The following STARD10 variants were observed in gnomAD, a reference collection of about 807,000 sequenced individuals.
The protein encoded by STARD10 is START domain-containing protein 10.
STARD10 carries 24 observed loss-of-function variants against 36.0 expected under a neutral mutation model. That is an observed-to-expected ratio of 0.67 (90% CI 0.48 to 0.94). STARD10 has a LOEUF of 0.94. Ranked by LOEUF, STARD10 falls within the 40% of genes least tolerant of loss-of-function variation. The probability of loss-of-function intolerance (pLI) is 0.00; values close to 1 mark genes in which losing one functional copy is unlikely to be tolerated. For missense variants in STARD10, 335 were observed against 396.6 expected, an observed-to-expected ratio of 0.84 and a Z score of 1.32; for synonymous variants, 156 against 161.9, an observed-to-expected ratio of 0.96 and a Z score of 0.28.
intron 2 of STARD10, among the ~76,000 whole-genome samples, chr11:72,773,026 G>T (rs1349471030): frequency 6.6e-6 from 1 of 152,214 alleles, no homozygotes; most frequent in Non-Finnish European, 1.5e-5. Context: ...CAGGACCCAG[G>T]TCTGATATCT....
Position 72,758,439 on chromosome 11 carries a change from CGAAGTCATATT to C in STARD10, c.459+80_459+90del. 4 of 1,019,412 alleles carry C rather than the reference CGAAGTCATATT, an allele frequency of 3.9e-6. No individual in the cohort carries two copies. The South Asian group carries it at 5.4e-5, about 14-fold the overall frequency. 63.1% of individuals were successfully genotyped at this position (1,019,412 alleles called of 1,614,324 possible). On this transcript the variant is annotated intron_variant, in intron 4 of 6. Transcript: ENST00000334805. Reference sequence around the variant, plus strand: ...GAGGGCCAGTGGGCCCATGCCTGCCCGAAGTCATATTGAAGTCATGGTGGCAGCCTCAGCCT... The same window carrying C: ...GAGGGCCAGTGGGCCCATGCCTGCCCGAAGTCATGGTGGCAGCCTCAGCCT...
At chr11:72,780,430 A>G (rs2135624287) in intron 2 of STARD10, 1 of 452,412 alleles carries the variant, frequency 2.2e-6, no homozygotes, top group Non-Finnish European at 4.5e-6. Context: ...GCCAGCCACA[A>G]TCCTGAGTCC....
intron 2 of STARD10, among the ~76,000 whole-genome samples, chr11:72,775,554 A>C (rs1327416827): frequency 6.6e-6 from 1 of 152,066 alleles, no homozygotes; most frequent in Non-Finnish European, 1.5e-5. Flanking sequence ...TCAAACTTGT[A>C]ATCTTCATTC....
intron 2 of STARD10, among the ~76,000 whole-genome samples, chr11:72,763,471 T>C (rs1858747003): frequency 6.6e-6 from 1 of 152,204 alleles, no homozygotes; most frequent in Non-Finnish European, 1.5e-5. Context: ...AGGTGTTGCC[T>C]GGTAGGACAC....
At position 72,788,650 on chromosome 11, in the gene STARD10, C is replaced by T. The variant is rs573046205; in HGVS notation, c.-114+4225G>A. The stretch of plus-strand genomic sequence containing the variant: ...GTAGCACGATCTCAGCTCACCACCA[C>T]CTCCCAGATTCAAGTGATTCTCCTG... On this transcript the variant is annotated intron_variant, in intron 1 of 6. Coordinates refer to ENST00000334805, the MANE Select transcript of STARD10 (RefSeq NM_006645.3). 3.3e-5 allele frequency among the ~76,000 whole-genome samples: 5 copies of T among 152,162 alleles called. No homozygotes were observed. The South Asian group carries it at 1.0e-3, about 32-fold the overall frequency.
At chr11:72,766,937 AG>A (rs1423229351) in intron 2 of STARD10, among the ~76,000 whole-genome samples, 1 of 152,200 alleles carries the variant, frequency 6.6e-6, no homozygotes, top group Middle Eastern at 3.2e-3. Context: ...CCAAAGTCCT[AG>A]GGACCCAGGA....
chr11:72,755,213 G>A (rs1343582823), intron 6 of STARD10, 71 bp from the exon 7 acceptor site: 11 of 1,502,444 alleles, frequency 7.3e-6, no homozygotes, highest in East Asian at 2.4e-5. Context: ...CCCCTCCAGC[G>A]GCTCAGCCCC....
intron 2 of STARD10, among the ~76,000 whole-genome samples, chr11:72,776,662 T>G (rs1470108059): frequency 6.6e-6 from 1 of 152,116 alleles, no homozygotes; most frequent in African/African-American, 2.4e-5. Context: ...AGCCTCAGTT[T>G]CCACATCTGC....
In STARD10 at chr11:72,781,342, TGGGGCTGTTC is replaced by T. The variant is rs1325570336; in HGVS notation, c.-113-58_-113-49del. The stretch of plus-strand genomic sequence containing the variant: ...GGAATCAGTGCGCTGGGGGCGCGGG[TGGGGCTGTTC>T]GGGGTCCTGGCGGGTGGGGAGCTGG... On this transcript the variant is annotated intron_variant, in intron 1 of 6. Transcript: ENST00000334805. The surrounding 1 kb of genome is among the most constrained non-coding windows in gnomAD (Gnocchi z 4.7). 1.6e-6 allele frequency: 1 copy of T among 633,232 alleles called. No individual in the cohort carries two copies. Among genetic ancestry groups the T allele is most frequent in the Non-Finnish European group, 2.7e-6 (1 of 365,234 alleles). The allele number at this position is 633,232 out of a possible 1,614,324, so 39.2% of individuals were successfully genotyped here.
intron 2 of STARD10, chr11:72,780,548 G>C: frequency 8.4e-6 from 3 of 355,040 alleles, no homozygotes; most frequent in Non-Finnish European, 1.7e-5. Context: ...TGCAGAAAGC[G>C]GGGAAGGAGA....
chr11:72,755,044 C>T lies in STARD10; in HGVS notation c.729G>A (p.Pro243=), dbSNP rs754634824. The T allele has an allele frequency of 8.1e-6, 13 of 1,613,128 alleles. No homozygotes were observed. The highest frequency in any genetic ancestry group is 1.7e-4 in the Middle Eastern group (1 of 6,058). The change falls in exon 7 of 7, where the codon CCG becomes CCA. Residue 243 remains proline (P), a synonymous_variant. Transcript: ENST00000334805. ...GCTCCGACAGCGCCAGGCTCGGCAA[C>T]GGGCTCTGCTCCGGGTGCAGCCACG... ...FKPWLHPEQS[P]LPSLALSELS...
intron 5 of STARD10, among the ~76,000 whole-genome samples, chr11:72,756,320 G>A (rs545500470): frequency 4.6e-5 from 7 of 152,152 alleles, no homozygotes; most frequent in Non-Finnish European, 8.8e-5. Flanking sequence ...ACCACTGTGC[G>A]CTCTGGGGCT....
intron 2 of STARD10, among the ~76,000 whole-genome samples, chr11:72,761,390 T>C: frequency 6.6e-6 from 1 of 152,026 alleles, no homozygotes; most frequent in East Asian, 1.9e-4. Context: ...TGGAGAAAAG[T>C]GAACATGATC....
In STARD10 at chr11:72,754,938, C is replaced by A. The variant is rs746271758; in HGVS notation, c.835G>T (p.Ala279Ser). The A allele has an allele frequency of 5.6e-6, 9 of 1,603,122 alleles. No homozygotes were observed. The highest frequency in any genetic ancestry group is 6.8e-6 in the Non-Finnish European group (8 of 1,178,242). ...TCGTCGTCGCTGCCCTCGCCGCCCG[C>A]GCCGCCCATCCGCTCCTCTCTGCTC... The part of the protein sequence containing the change: ...AESREERMGG[A>S]GGEGSDDDTS... The change falls in exon 7 of 7, where the codon GCG (alanine) becomes TCG (serine). Residue 279 changes from alanine to serine, a missense_variant. Transcript: ENST00000334805.
chr11:72,769,233 C>G lies in STARD10; in HGVS notation c.208-9852G>C, dbSNP rs183076942. Among the ~76,000 whole-genome samples, 7 of 152,188 alleles carry G rather than the reference C, an allele frequency of 4.6e-5. No homozygotes were observed. The East Asian group carries it at 1.2e-3, about 25-fold the overall frequency. ...AATTGTACTGAGGTACCGATTTATG[C>G]TCAGTAAATTACCAAAAATATATAA... On this transcript the variant is annotated intron_variant, in intron 2 of 6. Coordinates refer to ENST00000334805, the MANE Select transcript of STARD10 (RefSeq NM_006645.3).
chr11:72,782,139 C>T (rs1166399464), intron 1 of STARD10: 1 of 152,420 alleles, frequency 6.6e-6, no homozygotes, highest in Non-Finnish European at 1.5e-5. Flanking sequence ...CAGGTACACA[C>T]CTCTGCAACA....
Position 72,788,643 on chromosome 11 carries a change from A to G in STARD10, c.-114+4232T>C, listed in dbSNP as rs554843106. 2.1e-4 allele frequency among the ~76,000 whole-genome samples: 32 copies of G among 150,158 alleles called. No individual in the cohort carries two copies. In the East Asian group the frequency reaches 5.3e-3, roughly 25 times the overall value. On this transcript the variant is annotated intron_variant, in intron 1 of 6. Transcript: ENST00000334805. ...GAGTGCAGTAGCACGATCTCAGCTC[A>G]CCACCACCTCCCAGATTCAAGTGAT...
chr11:72,778,379 G>A (rs1168992954), intron 2 of STARD10, among the ~76,000 whole-genome samples: 1 of 152,244 alleles, frequency 6.6e-6, no homozygotes, highest in African/African-American at 2.4e-5. Flanking sequence ...GGGGAGAAAT[G>A]CTTGGCTCAG....
intron 2 of STARD10, among the ~76,000 whole-genome samples, chr11:72,763,884 T>C (rs1858752554): frequency 6.6e-6 from 1 of 152,166 alleles, no homozygotes; most frequent in South Asian, 2.1e-4. Flanking sequence ...GCTGTTATTA[T>C]TCCTGCACTG....
Sources: allele counts gnomAD v4.1 joint callset (sites outside exome capture counted in the v4.1 genomes callset), GRCh38; gene constraint gnomAD v4.1.1; non-coding constraint Gnocchi (gnomAD v3.1); transcripts MANE v1.5; gene names NCBI Gene and HGNC (gene_info 2026-07-23, HGNC 2026-07-21).